The following HUWE1 variants were observed in gnomAD, a reference collection of about 807,000 sequenced individuals.
The protein encoded by HUWE1 is E3 ubiquitin-protein ligase HUWE1.
HUWE1 carries 18 observed loss-of-function variants against 299.4 expected under a neutral mutation model. That is an observed-to-expected ratio of 0.06 (90% CI 0.04 to 0.09). HUWE1 has a LOEUF of 0.09. HUWE1 is among the 10% of genes least tolerant of loss of function. HUWE1 has a pLI of 1.00. For missense variants in HUWE1, 1,832 were observed against 3,462.3 expected, an observed-to-expected ratio of 0.53 and a Z score of 11.82; for synonymous variants, 1,317 against 1,286.1, an observed-to-expected ratio of 1.02 and a Z score of -0.51.
chrX:53,668,956 T>C (rs913385561), intron 3 of HUWE1, among the ~76,000 whole-genome samples: 3 of 112,392 alleles, frequency 2.7e-5, no homozygotes, highest in Admixed American at 9.4e-5. Context: ...TCTCAAATTA[T>C]ACAGTTCTGC....
rs138950360 is a variant in HUWE1 at position 53,567,881 on chromosome X, C to T, written c.6707+811G>A. Among the ~76,000 whole-genome samples the T allele has an allele frequency of 2.7e-5, 3 of 111,164 alleles. No homozygotes were observed. In the East Asian group the frequency reaches 8.4e-4, roughly 31 times the overall value. On this transcript the variant is annotated intron_variant, in intron 49 of 83. Coordinates refer to ENST00000262854, the MANE Select transcript of HUWE1 (RefSeq NM_031407.7). ...ACATCACCTAGGCTACACATTTCAGCCCAAAATGTTTAAACTGCTTCAATA... is the reference window on the plus strand; with the variant it reads ...ACATCACCTAGGCTACACATTTCAGTCCAAAATGTTTAAACTGCTTCAATA...
chrX:53,537,045 T>A (rs2061095479), intron 78 of HUWE1, among the ~76,000 whole-genome samples: 1 of 111,932 alleles, frequency 8.9e-6, no homozygotes, highest in African/African-American at 3.3e-5. Flanking sequence ...TGGCATACAG[T>A]CTGTCTAGGG....
chrX:53,678,936 T>C (rs1347109525), intron 3 of HUWE1, among the ~76,000 whole-genome samples: 1 of 111,719 alleles, frequency 9.0e-6, no homozygotes, highest in Non-Finnish European at 1.9e-5. Flanking sequence ...AGGTATCAAA[T>C]CAGACTTTGC....
intron 7 of HUWE1, among the ~76,000 whole-genome samples, chrX:53,636,307 T>A (rs1557026377): frequency 8.8e-6 from 1 of 112,995 alleles, no homozygotes; most frequent in Non-Finnish European, 1.9e-5. Context: ...ATAAACTGAC[T>A]GTCGGAATTC....
At chrX:53,541,196 C>T (rs1388955877) in intron 74 of HUWE1, among the ~76,000 whole-genome samples, 2 of 112,019 alleles carry the variant, frequency 1.8e-5, no homozygotes, top group Non-Finnish European at 1.9e-5. Flanking sequence ...TCATTTAATC[C>T]TAACAACTGA....
Position 53,536,236 on chromosome X carries a change from T to C in HUWE1, c.12442A>G (p.Ser4148Gly). ...CCTTGGTAGAAGTGGTAATCTTCAC[T>C]CTCCATATCTGTATATCTAGAAAAA... is the stretch of plus-strand genomic sequence containing the variant. The part of the protein sequence containing the change: ...GKSVRYTDME[S>G]EDYHFYQGLV... The change falls in exon 80 of 84, where the codon AGT becomes GGT. Residue 4148 changes from serine to glycine, a missense_variant. Around this residue, in one of 15 missense-constraint regions of HUWE1, gnomAD observed 129 missense variants for 439.4 expected, o/e 0.29. Coordinates refer to ENST00000262854, the MANE Select transcript of HUWE1 (RefSeq NM_031407.7). 1 of 1,187,492 alleles carries C rather than the reference T, an allele frequency of 8.4e-7. No homozygotes were observed. Among genetic ancestry groups the C allele is most frequent in the Non-Finnish European group, 1.1e-6 (1 of 873,812 alleles).
intron 3 of HUWE1, among the ~76,000 whole-genome samples, chrX:53,656,629 T>C (rs1236187631): frequency 9.1e-6 from 1 of 110,165 alleles, no homozygotes; most frequent in Non-Finnish European, 1.9e-5. Flanking sequence ...TCTCCTAAAA[T>C]TGTTATATAG....
chrX:53,594,721 A>T (rs1056092607), intron 30 of HUWE1, 100 bp from the exon 31 acceptor site: 121 of 812,496 alleles, frequency 1.5e-4, no homozygotes, highest in Non-Finnish European at 1.9e-4. Context: ...TTACACACTG[A>T]AGTGACACCT....
At chrX:53,641,214 A>G (rs2067566964) in intron 7 of HUWE1, among the ~76,000 whole-genome samples, 2 of 111,790 alleles carry the variant, frequency 1.8e-5, no homozygotes, top group East Asian at 5.6e-4. Context: ...TTGCAGATGT[A>G]TTGTCTATTC....
At chrX:53,600,828 G>T (rs141629771) in intron 28 of HUWE1, among the ~76,000 whole-genome samples, 1,232 of 112,473 alleles carry the variant, frequency 0.011, 22 homozygotes, top group African/African-American at 0.038. Context: ...TCACCAAGTT[G>T]TTCTCTTAAC....
chrX:53,559,774 T>C (rs2062201321), intron 56 of HUWE1, among the ~76,000 whole-genome samples: 1 of 112,206 alleles, frequency 8.9e-6, no homozygotes, highest in Non-Finnish European at 1.9e-5. Context: ...TGCCAGGCAC[T>C]GCGTCAGGTC....
intron 24 of HUWE1, among the ~76,000 whole-genome samples, chrX:53,608,515 G>A (rs782410897): frequency 1.8e-5 from 2 of 111,689 alleles, no homozygotes; most frequent in Non-Finnish European, 3.8e-5. Flanking sequence ...TGTTATGTTG[G>A]TACTCAAAAA....
chrX:53,539,863 C>T (rs1556917002), intron 74 of HUWE1, 51 bp from the exon 75 acceptor site: 1 of 1,134,013 alleles, frequency 8.8e-7, no homozygotes, highest in Non-Finnish European at 1.2e-6. Flanking sequence ...TTCCCTTCTG[C>T]TTAGATCTTT....
chrX:53,634,477 G>A (rs2067078440), intron 7 of HUWE1, among the ~76,000 whole-genome samples, 179 bp from the exon 8 acceptor site: 1 of 112,062 alleles, frequency 8.9e-6, no homozygotes, highest in Non-Finnish European at 1.9e-5. Context: ...GACATCCAAT[G>A]TGAAAGTCAA....
At position 53,583,875 on chromosome X, in the gene HUWE1, T is replaced by C. The variant is rs1406179855; in HGVS notation, c.5203A>G (p.Thr1735Ala). The C allele has an allele frequency of 2.5e-6, 3 of 1,207,293 alleles. No individual in the cohort carries two copies. In the African/African-American group the frequency reaches 5.3e-5, roughly 21 times the overall value. Residue 1735 changes from threonine (T) to alanine (A), a missense_variant, in exon 42 of 84, where the codon ACA becomes GCA. By Grantham distance (58) the Thr-to-Ala change is moderately conservative. Around this residue, in one of 15 missense-constraint regions of HUWE1, gnomAD observed 46 missense variants for 42.6 expected, o/e 1.08. Coordinates refer to ENST00000262854, the MANE Select transcript of HUWE1 (RefSeq NM_031407.7). ...CCGATTTTTGTTTCCTCCAGGCTTG[T>C]CTCCTTTTCAGTGTTTGTACTCTCT... is the stretch of plus-strand genomic sequence containing the variant. Reference protein sequence around the residue: ...ALESTNTEKETSLEETKIGEI... With the variant: ...ALESTNTEKEASLEETKIGEI...
At chrX:53,619,974 G>T (rs1243001722) in intron 19 of HUWE1, among the ~76,000 whole-genome samples, 1 of 111,820 alleles carries the variant, frequency 8.9e-6, no homozygotes, top group Admixed American at 9.4e-5. Flanking sequence ...CACCATACCA[G>T]AGGTAAACAC....
intron 7 of HUWE1, 49 bp downstream of exon 7, chrX:53,645,262 C>A (rs1231403811): frequency 2.6e-6 from 3 of 1,173,420 alleles, no homozygotes; most frequent in East Asian, 3.0e-5. Context: ...TTGAAAGGAA[C>A]CATATGCTCC....
At chrX:53,568,555 G>C in intron 49 of HUWE1, 137 bp downstream of exon 49, 1 of 487,222 alleles carries the variant, frequency 2.1e-6, no homozygotes, top group East Asian at 3.8e-5. Flanking sequence ...AGAAAGACAA[G>C]TGCTAAAAGC....
chrX:53,632,604 C>T (rs781833408), intron 8 of HUWE1, 40 bp from the exon 9 acceptor site: 24 of 970,036 alleles, frequency 2.5e-5, no homozygotes, highest in Non-Finnish European at 3.6e-5. Flanking sequence ...CATTGAGTTT[C>T]AACTGATTAT....
Sources: allele counts gnomAD v4.1 joint callset (sites outside exome capture counted in the v4.1 genomes callset), GRCh38; gene constraint gnomAD v4.1.1; regional missense constraint gnomAD v4.1.1; transcripts MANE v1.5; gene names NCBI Gene and HGNC (gene_info 2026-07-23, HGNC 2026-07-21).